The following MLLT10 variants were observed in gnomAD, a reference collection of about 807,000 sequenced individuals.
MLLT10 encodes the protein MLLT10 histone lysine methyltransferase DOT1L cofactor, also known as protein AF-10.
A neutral mutation model predicts 129.1 loss-of-function variants in MLLT10; 30 were observed. That is an observed-to-expected ratio of 0.23 (90% CI 0.17 to 0.32). The LOEUF (loss-of-function observed/expected upper bound fraction) is 0.32, where lower values mean the gene tolerates loss of function less well. Among genes scored for constraint, MLLT10 ranks in the 10% least tolerant of loss-of-function variants. The pLI is 1.00. For synonymous variants in MLLT10, 490 were observed against 446.4 expected, an observed-to-expected ratio of 1.10 and a Z score of -1.23; for missense variants, 1,119 against 1,268.3, an observed-to-expected ratio of 0.88 and a Z score of 1.79.
At chr10:21,544,259 T>A (rs2035723971) in intron 3 of MLLT10, among the ~76,000 whole-genome samples, 1 of 152,226 alleles carries the variant, frequency 6.6e-6, no homozygotes, top group Admixed American at 6.5e-5. Context: ...CAGCTCCTGA[T>A]ATTTTCCATC....
At chr10:21,714,056 T>C (rs2056342052) in intron 14 of MLLT10, 106 bp downstream of exon 14, 3 of 891,956 alleles carry the variant, frequency 3.4e-6, no homozygotes, top group Non-Finnish European at 4.9e-6. Flanking sequence ...TATAGGAATT[T>C]ATGAAATACC....
At chr10:21,688,546 C>G (rs1319746698) in intron 13 of MLLT10, 3 of 1,609,366 alleles carry the variant, frequency 1.9e-6, no homozygotes, top group Non-Finnish European at 2.5e-6. Context: ...TAGGTATGTA[C>G]CAAACTCCAG....
At chr10:21,548,736 A>G (rs2036499191) in intron 3 of MLLT10, among the ~76,000 whole-genome samples, 1 of 152,040 alleles carries the variant, frequency 6.6e-6, no homozygotes, top group African/African-American at 2.4e-5. Context: ...CTTATTTTTA[A>G]TTCAGTGAAT....
At chr10:21,678,635 TG>T (rs1418834890) in intron 11 of MLLT10, among the ~76,000 whole-genome samples, 2 of 152,154 alleles carry the variant, frequency 1.3e-5, no homozygotes, top group Non-Finnish European at 2.9e-5. Flanking sequence ...ATGGGTTCAT[TG>T]AGAGATTAAT....
intron 8 of MLLT10, among the ~76,000 whole-genome samples, chr10:21,642,656 CAAAAA>C (rs374427646): frequency 1.0e-5 from 1 of 99,686 alleles, no homozygotes. Flanking sequence ...GACTCTGTCT[CAAAAA>C]AAAAAAAAAA....
chr10:21,663,950 CA>C (rs1169709453), intron 9 of MLLT10, among the ~76,000 whole-genome samples: 1 of 152,142 alleles, frequency 6.6e-6, no homozygotes, highest in Non-Finnish European at 1.5e-5. Context: ...TGTTTTAGGG[CA>C]GAGCAAAGAC....
At chr10:21,649,826 C>T (rs2048849735) in intron 8 of MLLT10, among the ~76,000 whole-genome samples, 1 of 152,114 alleles carries the variant, frequency 6.6e-6, no homozygotes, top group Non-Finnish European at 1.5e-5. Context: ...TTGAGTAACA[C>T]AAGTCATAAG....
At chr10:21,717,780 GCTTCTT>G (rs139007268) in intron 14 of MLLT10, among the ~76,000 whole-genome samples, 5 of 51,508 alleles carry the variant, frequency 9.7e-5, no homozygotes, top group African/African-American at 3.0e-4. Context: ...TGCTGCTGCT[GCTTCTT>G]CTTCTTCTTC....
intron 3 of MLLT10, among the ~76,000 whole-genome samples, chr10:21,566,907 G>A (rs1294328069): frequency 1.1e-4 from 17 of 151,856 alleles, no homozygotes; most frequent in Admixed American, 3.9e-4. Flanking sequence ...TCCGCCTTCC[G>A]GGTTCAAGCG....
chr10:21,626,317 G>T (rs186007598), intron 8 of MLLT10: 3 of 955,882 alleles, frequency 3.1e-6, no homozygotes, highest in African/African-American at 3.2e-5. Context: ...GGCTGGGCCC[G>T]TGAGAACCAG....
At chr10:21,611,018 TG>T (rs1462091965) in intron 5 of MLLT10, among the ~76,000 whole-genome samples, 6 of 141,552 alleles carry the variant, frequency 4.2e-5, no homozygotes, top group Admixed American at 7.3e-5. Flanking sequence ...TTTTTTGAGA[TG>T]GAGTTTCTCT....
chr10:21,660,745 A>G (rs1000694605), intron 9 of MLLT10, among the ~76,000 whole-genome samples: 41 of 151,346 alleles, frequency 2.7e-4, no homozygotes, highest in African/African-American at 9.9e-4. Flanking sequence ...ATGGTGCCGG[A>G]CGCCTGTAAT....
At position 21,631,760 on chromosome 10, in the gene MLLT10, G is replaced by T. The variant is rs114686482; in HGVS notation, c.699+14553G>T. Among the ~76,000 whole-genome samples, 1,366 of 152,134 alleles carry T rather than the reference G, an allele frequency of 9.0e-3. 14 individuals carry two copies. The highest frequency in any genetic ancestry group is 0.031 in the African/African-American group (1,279 of 41,494). The stretch of plus-strand genomic sequence containing the variant: ...CAGGAGAACAGCAAGGGGGAAGTCT[G>T]CCCCCATGATTCAGTCACCCCACCA... On this transcript the variant is annotated intron_variant, in intron 8 of 22. Transcript: ENST00000307729.
intron 13 of MLLT10, among the ~76,000 whole-genome samples, chr10:21,693,321 C>T (rs1313254479): frequency 6.6e-6 from 1 of 152,116 alleles, no homozygotes; most frequent in Non-Finnish European, 1.5e-5. Flanking sequence ...TTTAACTCCT[C>T]ATACTCTTCC....
At chr10:21,673,314 C>CA in intron 10 of MLLT10, 36 bp from the exon 11 acceptor site, 16 of 657,194 alleles carry the variant, frequency 2.4e-5, no homozygotes, top group East Asian at 4.2e-5. Context: ...CCCCCACCCC[C>CA]CAACTTTTTT....
Position 21,742,299 on chromosome 10 carries a change from CACA to C in MLLT10, c.*319_*321del, listed in dbSNP as rs1457323495. The C allele has an allele frequency of 3.4e-6, 1 of 293,412 alleles. No homozygotes were observed. The highest frequency in any genetic ancestry group is 5.1e-5 in the East Asian group (1 of 19,632). 18.2% of individuals were successfully genotyped at this position (293,412 alleles called of 1,614,324 possible). On this transcript the variant is annotated 3_prime_UTR_variant, in exon 23 of 23. Transcript: ENST00000307729. ...ACTCAAGAATTTAATATAGTTGGTACACAACTAGTTTTGTTTATAAATTGGAGA... is the reference window on the plus strand; with the variant it reads ...ACTCAAGAATTTAATATAGTTGGTACACTAGTTTTGTTTATAAATTGGAGA...
intron 9 of MLLT10, among the ~76,000 whole-genome samples, chr10:21,659,435 G>A (rs1376172505): frequency 6.6e-6 from 1 of 151,780 alleles, no homozygotes; most frequent in Non-Finnish European, 1.5e-5. Flanking sequence ...AGGAAAAATA[G>A]CAATTCAGTG....
chr10:21,693,127 C>G (rs2054032627), intron 13 of MLLT10, among the ~76,000 whole-genome samples: 3 of 152,042 alleles, frequency 2.0e-5, no homozygotes, highest in Non-Finnish European at 4.4e-5. Context: ...CTTCATTAAC[C>G]TGATGACTCA....
chr10:21,621,981 A>G (rs995325460), intron 8 of MLLT10, among the ~76,000 whole-genome samples: 4 of 152,184 alleles, frequency 2.6e-5, no homozygotes, highest in African/African-American at 9.6e-5. Context: ...GGTTTTAGGA[A>G]AAATTTAAAA....
Sources: allele counts gnomAD v4.1 joint callset (sites outside exome capture counted in the v4.1 genomes callset), GRCh38; gene constraint gnomAD v4.1.1; transcripts MANE v1.5; gene names NCBI Gene and HGNC (gene_info 2026-07-23, HGNC 2026-07-21).